The following USP15 variants were observed in gnomAD, a reference collection of about 807,000 sequenced individuals.
USP15 encodes ubiquitin carboxyl-terminal hydrolase 15.
A neutral mutation model predicts 127.1 loss-of-function variants in USP15; 18 were observed. The observed-to-expected ratio is 0.14, with a 90% confidence interval of 0.10 to 0.21. The LOEUF (loss-of-function observed/expected upper bound fraction) is 0.21. USP15 is among the 10% of genes least tolerant of loss of function. The probability of loss-of-function intolerance (pLI) is 1.00; values close to 1 mark genes in which losing one functional copy is unlikely to be tolerated. For missense variants in USP15, 805 were observed against 1,159.9 expected (o/e 0.69, Z 4.44); for synonymous variants, 364 against 393.7 (o/e 0.92, Z 0.89).
intron 6 of USP15, among the ~76,000 whole-genome samples, chr12:62,338,816 T>A (rs1213359492): frequency 6.6e-6 from 1 of 152,170 alleles, no homozygotes; most frequent in Non-Finnish European, 1.5e-5. Flanking sequence ...TCTGTTCTGT[T>A]GCATTGGTCT....
intron 4 of USP15, among the ~76,000 whole-genome samples, chr12:62,316,861 T>G (rs965432486): frequency 6.6e-6 from 1 of 152,128 alleles, no homozygotes; most frequent in African/African-American, 2.4e-5. Context: ...GATCACTGCT[T>G]CAAAAAGTTT....
intron 3 of USP15, among the ~76,000 whole-genome samples, chr12:62,311,095 G>T (rs2064665259): frequency 6.6e-6 from 1 of 151,084 alleles, no homozygotes; most frequent in South Asian, 2.1e-4. Flanking sequence ...GAGTTGTTGA[G>T]TCCTTGTATA....
intron 1 of USP15, among the ~76,000 whole-genome samples, chr12:62,285,293 T>C (rs983247562): frequency 6.6e-6 from 1 of 152,174 alleles, no homozygotes; most frequent in Non-Finnish European, 1.5e-5. Context: ...TTATTCACGC[T>C]CTATGTGTAT....
intron 14 of USP15, 38 bp downstream of exon 14, chr12:62,390,026 TG>T (rs750040094): frequency 6.7e-7 from 1 of 1,503,606 alleles, no homozygotes; most frequent in South Asian, 1.3e-5. Flanking sequence ...AAAATAAATA[TG>T]GGAATAAAAT....
chr12:62,320,888 A>G (rs1015939373), intron 4 of USP15, among the ~76,000 whole-genome samples: 16 of 152,148 alleles, frequency 1.1e-4, no homozygotes, highest in Non-Finnish European at 1.9e-4. Context: ...AACTAGATGA[A>G]ATTTCAGTAA....
At chr12:62,270,582 G>A (rs1479173346) in intron 1 of USP15, among the ~76,000 whole-genome samples, 1 of 151,946 alleles carries the variant, frequency 6.6e-6, no homozygotes, top group African/African-American at 2.4e-5. Context: ...TTTGCATGTG[G>A]TTATCCAGTT....
chr12:62,353,067 A>G (rs1291251018), intron 7 of USP15, among the ~76,000 whole-genome samples: 1 of 152,046 alleles, frequency 6.6e-6, no homozygotes, highest in Non-Finnish European at 1.5e-5. Flanking sequence ...TTTGAATTAT[A>G]TAAACTGCTA....
chr12:62,325,467 A>G (rs867122160), intron 5 of USP15, among the ~76,000 whole-genome samples: 7 of 152,090 alleles, frequency 4.6e-5, no homozygotes, highest in Non-Finnish European at 4.4e-5. Context: ...ATCCTATGTA[A>G]GTATGTTTAA....
At chr12:62,369,170 A>G (rs954972820) in intron 8 of USP15, among the ~76,000 whole-genome samples, 1 of 152,202 alleles carries the variant, frequency 6.6e-6, no homozygotes, top group Non-Finnish European at 1.5e-5. Context: ...CATGGAAGCA[A>G]AGTTCTTTCT....
chr12:62,336,418 C>G (rs1592615215), intron 6 of USP15: 1 of 985,410 alleles, frequency 1.0e-6, no homozygotes, highest in African/African-American at 1.7e-5. Context: ...CTCCTCCAGC[C>G]TTTCTTCTCT....
rs562014710 is a variant in USP15, at chr12:62,362,703, C to T, written c.915+7228C>T. 2.6e-5 allele frequency among the ~76,000 whole-genome samples: 4 copies of T among 152,234 alleles called. No individual in the cohort carries two copies. In the South Asian group the frequency reaches 6.2e-4, roughly 24 times the overall value. On this transcript the variant is annotated intron_variant, in intron 8 of 21. Coordinates refer to ENST00000280377, the MANE Select transcript of USP15 (RefSeq NM_001252078.2). ...TATTGAAGGTCTATTAGGTGACTCT[C>T]ACTCTCATAATCACTAATTATGCCA...
rs531233815 is a variant in USP15, at chr12:62,260,411, G to T, written c.-4G>T. The stretch of plus-strand genomic sequence containing the variant: ...GCCACCTCCCCTACCGCTAGTGGAA[G>T]AAGATGGCGGAAGGCGGAGCGGCGG... On this transcript the variant is annotated 5_prime_UTR_variant, in exon 1 of 22. Coordinates refer to ENST00000280377, the MANE Select transcript of USP15 (RefSeq NM_001252078.2). 5 of 1,550,824 alleles carry T rather than the reference G, an allele frequency of 3.2e-6. No individual in the cohort carries two copies. Among genetic ancestry groups the T allele is most frequent in the Non-Finnish European group, 4.4e-6 (5 of 1,147,320 alleles).
At chr12:62,263,814 G>A (rs549928069) in intron 1 of USP15, among the ~76,000 whole-genome samples, 2 of 152,258 alleles carry the variant, frequency 1.3e-5, no homozygotes, top group South Asian at 4.1e-4. Context: ...AGAGATAAAT[G>A]AACTAGAATT....
chr12:62,390,567 A>G (rs762208995), intron 14 of USP15, among the ~76,000 whole-genome samples: 2 of 152,168 alleles, frequency 1.3e-5, no homozygotes, highest in Non-Finnish European at 2.9e-5. Context: ...TTATACAAAT[A>G]TAAGTGTTTT....
At chr12:62,401,580 C>G (rs2067689287) in intron 21 of USP15, among the ~76,000 whole-genome samples, 1 of 151,892 alleles carries the variant, frequency 6.6e-6, no homozygotes, top group East Asian at 1.9e-4. Flanking sequence ...TCTTAACTTT[C>G]TAGACATTGA....
At chr12:62,342,566 T>A (rs2065677844) in intron 6 of USP15, among the ~76,000 whole-genome samples, 1 of 152,188 alleles carries the variant, frequency 6.6e-6, no homozygotes, top group Admixed American at 6.5e-5. Context: ...TCTTTGAGGC[T>A]GATGACCTTT....
At chr12:62,367,498 A>G (rs1029567437) in intron 8 of USP15, among the ~76,000 whole-genome samples, 45 of 152,250 alleles carry the variant, frequency 3.0e-4, no homozygotes, top group African/African-American at 1.0e-3. Context: ...AAGAAATTTC[A>G]GACTTTTTTA....
rs1592760408 is a variant in USP15 at position 62,415,111 on chromosome 12, A to G, written c.*10736A>G. ...GCAGGCTGGAGACCCAGGAATGCCA[A>G]TGGTGTAGTTCAAGTCCGAGTCCAA... On this transcript the variant is annotated 3_prime_UTR_variant, in exon 22 of 22. Coordinates refer to ENST00000280377, the MANE Select transcript of USP15 (RefSeq NM_001252078.2). The G allele has an allele frequency of 6.6e-6, 1 of 152,094 alleles. No individual in the cohort carries two copies. The highest frequency in any genetic ancestry group is 2.1e-4 in the South Asian group (1 of 4,830). The allele number at this position is 152,094 out of a possible 1,614,324, so 9.4% of individuals were successfully genotyped here.
rs1003764692 is a variant in USP15, at chr12:62,324,872, T to C, written c.622-1000T>C. Among the ~76,000 whole-genome samples, 4 of 151,914 alleles carry C rather than the reference T, an allele frequency of 2.6e-5. 1 individual carries two copies. The highest frequency in any genetic ancestry group is 4.1e-4 in the South Asian group (2 of 4,830). ...AATTTATAAATGACCTGGAAACATA[T>C]AGTTCACAAAAATATATTACTAAGT... is the stretch of plus-strand genomic sequence containing the variant. On this transcript the variant is annotated intron_variant, in intron 5 of 21. Coordinates refer to ENST00000280377, the MANE Select transcript of USP15 (RefSeq NM_001252078.2).
Sources: allele counts gnomAD v4.1 joint callset (sites outside exome capture counted in the v4.1 genomes callset), GRCh38; gene constraint gnomAD v4.1.1; transcripts MANE v1.5; gene names NCBI Gene and HGNC (gene_info 2026-07-23, HGNC 2026-07-21).